Variants in MARCHF1 observed in about 807,000 individuals in gnomAD.
MARCHF1 encodes membrane associated ring-CH-type finger 1, also known as E3 ubiquitin-protein ligase MARCHF1.
MARCHF1 carries 40 observed loss-of-function variants against 54.2 expected under a neutral mutation model. That is an observed-to-expected ratio of 0.74 (90% CI 0.57 to 0.96). MARCHF1 has a LOEUF of 0.96. Among genes scored for constraint, MARCHF1 ranks in the 40% least tolerant of loss-of-function variants. The probability of loss-of-function intolerance (pLI) is 0.00; values close to 1 mark genes in which losing one functional copy is unlikely to be tolerated. For missense variants in MARCHF1, 586 were observed against 656.5 expected, an observed-to-expected ratio of 0.89 and a Z score of 1.17; for synonymous variants, 236 against 236.3, an observed-to-expected ratio of 1.00 and a Z score of 0.01.
At chr4:163,544,264 A>G (rs914917840) in intron 9 of MARCHF1, among the ~76,000 whole-genome samples, 1 of 152,236 alleles carries the variant, frequency 6.6e-6, no homozygotes, top group Non-Finnish European at 1.5e-5. Context: ...CTGAAACAGT[A>G]CATAATGTAG....
chr4:164,212,851 G>A (rs951372151), intron 1 of MARCHF1, among the ~76,000 whole-genome samples: 2 of 152,108 alleles, frequency 1.3e-5, no homozygotes, highest in African/African-American at 4.8e-5. Flanking sequence ...GGCCCACCAA[G>A]GTATTGTGTT....
chr4:163,615,209 T>C (rs1579114937), intron 5 of MARCHF1, among the ~76,000 whole-genome samples: 1 of 152,166 alleles, frequency 6.6e-6, no homozygotes, highest in African/African-American at 2.4e-5. Flanking sequence ...GTGATCCCTA[T>C]GATAGTAGTT....
intron 3 of MARCHF1, among the ~76,000 whole-genome samples, chr4:163,878,732 G>A (rs1750348500): frequency 6.6e-6 from 1 of 152,148 alleles, no homozygotes; most frequent in Non-Finnish European, 1.5e-5. Flanking sequence ...GGTTCACGTA[G>A]AATTAAAAAC....
intron 2 of MARCHF1, among the ~76,000 whole-genome samples, chr4:164,101,034 C>G (rs112204887): frequency 6.6e-6 from 1 of 152,214 alleles, no homozygotes; most frequent in Non-Finnish European, 1.5e-5. Context: ...CACTCCCACC[C>G]GAATACTGCG....
At chr4:163,692,788 C>T (rs1019941456) in intron 5 of MARCHF1, among the ~76,000 whole-genome samples, 1 of 151,164 alleles carries the variant, frequency 6.6e-6, no homozygotes, top group African/African-American at 2.4e-5. Flanking sequence ...CTGTAGAAAA[C>T]TGGTAGGTCA....
chr4:164,049,522 A>G (rs1218809505), intron 2 of MARCHF1, among the ~76,000 whole-genome samples: 1 of 152,212 alleles, frequency 6.6e-6, no homozygotes, highest in Non-Finnish European at 1.5e-5. Flanking sequence ...TAGCACAAGT[A>G]CTAAACTGTT....
Position 164,160,287 on chromosome 4 carries a change from G to A in MARCHF1, c.-322-48625C>T, listed in dbSNP as rs567506220. ...GTGGCATAATCTACTACACACCTAG[G>A]CTAAATGGTATAGCCTATTCCTCCT... is the stretch of plus-strand genomic sequence containing the variant. On this transcript the variant is annotated intron_variant, in intron 1 of 9. Coordinates refer to ENST00000514618, the MANE Select transcript of MARCHF1 (RefSeq NM_001394959.1). Among the ~76,000 whole-genome samples the A allele has an allele frequency of 4.6e-5, 7 of 152,132 alleles. No homozygotes were observed. In the East Asian group the frequency reaches 1.4e-3, roughly 29 times the overall value.
chr4:163,676,143 C>T (rs112317631), intron 5 of MARCHF1, among the ~76,000 whole-genome samples: 8,884 of 139,148 alleles, frequency 0.064, 565 homozygotes, highest in African/African-American at 0.17. Context: ...AGGAGTTCTA[C>T]AGCCTGACCA....
At chr4:163,848,626 G>GT (rs1206726520) in intron 4 of MARCHF1, among the ~76,000 whole-genome samples, 2 of 152,110 alleles carry the variant, frequency 1.3e-5, no homozygotes, top group Admixed American at 1.3e-4. Context: ...GGTATAAGAT[G>GT]TTTTTGTTTT....
At chr4:164,142,225 G>A (rs1212728018) in intron 1 of MARCHF1, among the ~76,000 whole-genome samples, 1 of 152,186 alleles carries the variant, frequency 6.6e-6, no homozygotes, top group Non-Finnish European at 1.5e-5. Context: ...CAAACTGCAA[G>A]GCCGCAGCCA....
chr4:163,570,297 T>A (rs1739799102), intron 8 of MARCHF1, among the ~76,000 whole-genome samples: 1 of 152,110 alleles, frequency 6.6e-6, no homozygotes, highest in South Asian at 2.1e-4. Flanking sequence ...ACAGTGAATC[T>A]GCTACAGTGT....
In MARCHF1 at chr4:163,800,612, T is replaced by G. The variant is rs976522836; in HGVS notation, c.111+53409A>C. On this transcript the variant is annotated intron_variant, in intron 4 of 9. Transcript: ENST00000514618. ...ACATAAACAAAATTGTATGGTATTT[T>G]CTATGACAAAATATATTTGACTTCC... Among the ~76,000 whole-genome samples the G allele has an allele frequency of 4.6e-5, 7 of 152,212 alleles. No homozygotes were observed. The South Asian group carries it at 1.5e-3, about 32-fold the overall frequency.
At chr4:164,106,967 C>T (rs1407599013) in intron 2 of MARCHF1, among the ~76,000 whole-genome samples, 1 of 151,988 alleles carries the variant, frequency 6.6e-6, no homozygotes, top group Non-Finnish European at 1.5e-5. Flanking sequence ...AAGATCTTTG[C>T]TATAGTTTAC....
At chr4:163,969,145 A>C (rs1752500216) in intron 3 of MARCHF1, among the ~76,000 whole-genome samples, 1 of 152,200 alleles carries the variant, frequency 6.6e-6, no homozygotes, top group South Asian at 2.1e-4. Context: ...AGGCATTTCT[A>C]TGAGCAAAAT....
At chr4:163,784,161 A>G (rs1201252319) in intron 4 of MARCHF1, among the ~76,000 whole-genome samples, 1 of 145,594 alleles carries the variant, frequency 6.9e-6, no homozygotes, top group Non-Finnish European at 1.5e-5. Flanking sequence ...TTTTTACTCT[A>G]GGGTGGATAG....
intron 3 of MARCHF1, among the ~76,000 whole-genome samples, chr4:163,921,300 G>A (rs1437565255): frequency 6.6e-6 from 1 of 152,026 alleles, no homozygotes; most frequent in Non-Finnish European, 1.5e-5. Flanking sequence ...CGTGCCTAAA[G>A]ATAGGACTAA....
At chr4:164,280,208 T>G (rs1304890196) in intron 1 of MARCHF1, among the ~76,000 whole-genome samples, 1 of 152,010 alleles carries the variant, frequency 6.6e-6, no homozygotes, top group Non-Finnish European at 1.5e-5. Flanking sequence ...TTTAATTTAT[T>G]ATTGTTCCTA....
chr4:163,651,068 A>G (rs1481264999), intron 5 of MARCHF1, among the ~76,000 whole-genome samples: 2 of 151,962 alleles, frequency 1.3e-5, no homozygotes, highest in African/African-American at 4.8e-5. Context: ...TAAGAACTGA[A>G]GAAGTTTAGT....
At chr4:163,894,562 T>A (rs1750734181) in intron 3 of MARCHF1, among the ~76,000 whole-genome samples, 1 of 127,946 alleles carries the variant, frequency 7.8e-6, no homozygotes, top group Non-Finnish European at 1.7e-5. Flanking sequence ...TGCACATGCA[T>A]ATATATATAT....
Sources: gnomAD v4.1 joint callset for allele counts (sites outside exome capture counted in the v4.1 genomes callset) on GRCh38, gnomAD v4.1.1 for gene constraint, MANE v1.5 for transcripts, NCBI Gene and HGNC (gene_info 2026-07-23, HGNC 2026-07-21) for gene names.